The following SPRING1 variants were observed in gnomAD, a reference collection of about 807,000 sequenced individuals.
SPRING1 encodes the protein SREBF pathway regulator in golgi 1.
A neutral mutation model predicts 24.7 loss-of-function variants in SPRING1; 14 were observed. The observed-to-expected ratio is 0.57, with a 90% CI of 0.37 to 0.88. The LOEUF is 0.88. Among genes scored for constraint, SPRING1 ranks in the 40% least tolerant of loss-of-function variants. The pLI is 0.00. For synonymous variants in SPRING1, 93 were observed against 106.1 expected (o/e 0.88, Z 0.76); for missense variants, 255 against 268.4 (o/e 0.95, Z 0.35).
chr12:116,719,514 T>C (rs943738812), intron 4 of SPRING1, among the ~76,000 whole-genome samples: 6 of 152,192 alleles, frequency 3.9e-5, no homozygotes, highest in African/African-American at 1.4e-4. Flanking sequence ...AAGGAACAAA[T>C]GTACCAACCA....
At chr12:116,732,600 A>G (rs544364471) in intron 1 of SPRING1, among the ~76,000 whole-genome samples, 3 of 152,348 alleles carry the variant, frequency 2.0e-5, no homozygotes, top group Admixed American at 6.5e-5. Context: ...CCAGCTACTC[A>G]GGAGGCTGAA....
chr12:116,718,829 T>C (rs1372726135), intron 4 of SPRING1, among the ~76,000 whole-genome samples: 1 of 152,216 alleles, frequency 6.6e-6, no homozygotes, highest in Non-Finnish European at 1.5e-5. Flanking sequence ...AGTGGAAAGC[T>C]CTTCAAGCAA....
chr12:116,729,264 T>C (rs1468341400), intron 1 of SPRING1, among the ~76,000 whole-genome samples: 2 of 152,220 alleles, frequency 1.3e-5, no homozygotes, highest in East Asian at 1.9e-4. Context: ...AAATGTGTAA[T>C]TGGAAAAGGG....
chr12:116,737,694 A>G (rs1871335163), intron 1 of SPRING1, 96 bp downstream of exon 1: 3 of 1,314,256 alleles, frequency 2.3e-6, no homozygotes, highest in East Asian at 3.2e-5. Context: ...GGAAGGAAAA[A>G]AGGAGGAAGG....
At position 116,718,500 on chromosome 12, in the gene SPRING1, T is replaced by C. The variant is rs532852312; in HGVS notation, c.535-607A>G. Among the ~76,000 whole-genome samples the C allele has an allele frequency of 4.0e-4, 61 of 152,376 alleles. 1 individual carries two copies. Among genetic ancestry groups the C allele is most frequent in the African/African-American group, 1.4e-3 (58 of 41,596 alleles). ...GGTTTTTGGCTAGTCTAGAATTCAT[T>C]AATTAGTCCAAGACCAATGCTAAGC... is the stretch of plus-strand genomic sequence containing the variant. On this transcript the variant is annotated intron_variant, in intron 4 of 4. Coordinates refer to ENST00000261318, the MANE Select transcript of SPRING1 (RefSeq NM_024738.4).
At chr12:116,724,047 G>A (rs559507455) in intron 1 of SPRING1, among the ~76,000 whole-genome samples, 16 of 152,150 alleles carry the variant, frequency 1.1e-4, no homozygotes, top group South Asian at 2.1e-4. Context: ...AAAACAAGCC[G>A]AGCTTGAGAC....
chr12:116,730,051 C>T (rs1215681534), intron 1 of SPRING1, among the ~76,000 whole-genome samples: 4 of 152,154 alleles, frequency 2.6e-5, no homozygotes, highest in Non-Finnish European at 5.9e-5. Context: ...CAGGCACCCA[C>T]CACCACGCCC....
intron 1 of SPRING1, among the ~76,000 whole-genome samples, chr12:116,737,530 AG>A (rs1194752461): frequency 3.1e-5 from 1 of 32,104 alleles, no homozygotes; most frequent in Non-Finnish European, 6.7e-5. Flanking sequence ...GGAAGGAAGG[AG>A]GAGGAAGGTG....
At chr12:116,736,174 T>A (rs1871211922) in intron 1 of SPRING1, among the ~76,000 whole-genome samples, 1 of 148,718 alleles carries the variant, frequency 6.7e-6, no homozygotes, top group Non-Finnish European at 1.5e-5. Context: ...TCTGGACAGA[T>A]CTAGGCTGTT....
At position 116,733,419 on chromosome 12, in the gene SPRING1, T is replaced by C. The variant is rs979288895; in HGVS notation, c.111+4371A>G. Among the ~76,000 whole-genome samples, 9 of 145,898 alleles carry C rather than the reference T, an allele frequency of 6.2e-5. 2 individuals are homozygous for C. The highest frequency in any genetic ancestry group is 1.3e-4 in the African/African-American group (5 of 37,340). ...GGATGATCTCAATCTCCTGACCTCA[T>C]GATCTGCCCACCTCGGCCCTCCCAA... On this transcript the variant is annotated intron_variant, in intron 1 of 4. Transcript: ENST00000261318.
chr12:116,724,472 T>C (rs1367451508), intron 1 of SPRING1, among the ~76,000 whole-genome samples: 1 of 152,194 alleles, frequency 6.6e-6, no homozygotes, highest in East Asian at 1.9e-4. Context: ...TCCCAGCACT[T>C]TGGGGAGGCC....
Position 116,717,756 on chromosome 12 carries a change from C to T in SPRING1, c.*54G>A, listed in dbSNP as rs1405986421. 16 of 1,461,510 alleles carry T rather than the reference C, an allele frequency of 1.1e-5. No homozygotes were observed. The East Asian group carries it at 1.7e-4, about 16-fold the overall frequency. 90.5% of individuals were successfully genotyped at this position (1,461,510 alleles called of 1,614,324 possible). A position where few individuals can be genotyped will look rare whatever the true frequency, so the allele number is the denominator to read the frequency against. ...ATGGCTGAAGCTGGGTCCCAGGAGG[C>T]GAGTTCTTCAGCGGGGCCTCCTCAC... On this transcript the variant is annotated 3_prime_UTR_variant, in exon 5 of 5. Coordinates refer to ENST00000261318, the MANE Select transcript of SPRING1 (RefSeq NM_024738.4). The surrounding 1 kb of genome is among the most constrained non-coding windows in gnomAD (Gnocchi z 4.2).
Position 116,717,565 on chromosome 12 carries a change from T to C in SPRING1, c.*245A>G. On this transcript the variant is annotated 3_prime_UTR_variant, in exon 5 of 5. Coordinates refer to ENST00000261318, the MANE Select transcript of SPRING1 (RefSeq NM_024738.4). This position sits in a 1 kb window ranked among gnomAD's most constrained non-coding sequence, Gnocchi z 4.2. ...CCACCACCGTGAGCCCGGCCTCCGGTTTCATCTTTCCCGAATGGGACTGGC... is the reference window on the plus strand; with the variant it reads ...CCACCACCGTGAGCCCGGCCTCCGGCTTCATCTTTCCCGAATGGGACTGGC... The C allele has an allele frequency of 2.6e-6, 1 of 384,232 alleles. No homozygotes were observed. Among genetic ancestry groups the C allele is most frequent in the Non-Finnish European group, 4.7e-6 (1 of 212,514 alleles). 23.8% of individuals were successfully genotyped at this position (384,232 alleles called of 1,614,324 possible). A position where few individuals can be genotyped will look rare whatever the true frequency, so the allele number is the denominator to read the frequency against.
In SPRING1 at chr12:116,738,023, C is replaced by CGCAGCCCAGTCTGCTCCCG; in HGVS notation, c.-142_-124dup. 1 of 1,107,304 alleles carries CGCAGCCCAGTCTGCTCCCG rather than the reference C, an allele frequency of 9.0e-7. No homozygotes were observed. The highest frequency in any genetic ancestry group is 1.1e-6 in the Non-Finnish European group (1 of 907,626). The allele number at this position is 1,107,304 out of a possible 1,614,324, so 68.6% of individuals were successfully genotyped here. ...CCAGGCAGGCGCCGGCCCCGCCGCC[C>CGCAGCCCAGTCTGCTCCCG]GCAGCCCAGTCTGCTCCCGGCAGCC... is the stretch of plus-strand genomic sequence containing the variant. On this transcript the variant is annotated 5_prime_UTR_variant, in exon 1 of 5. Transcript: ENST00000261318.
At position 116,716,246 on chromosome 12, in the gene SPRING1, T is replaced by C. The variant is rs1870124096; in HGVS notation, c.*1564A>G. Reference sequence around the variant, plus strand: ...GGAAAACTTATTTAAGGGAGGCAAATAATTTGGGGAGATGAGTATAAGAGG... The same window carrying C: ...GGAAAACTTATTTAAGGGAGGCAAACAATTTGGGGAGATGAGTATAAGAGG... On this transcript the variant is annotated 3_prime_UTR_variant, in exon 5 of 5. Coordinates refer to ENST00000261318, the MANE Select transcript of SPRING1 (RefSeq NM_024738.4). 2 of 152,110 alleles carry C rather than the reference T, an allele frequency of 1.3e-5. No individual in the cohort carries two copies. Among genetic ancestry groups the C allele is most frequent in the Non-Finnish European group, 2.9e-5 (2 of 68,024 alleles). 9.4% of individuals were successfully genotyped at this position (152,110 alleles called of 1,614,324 possible).
At chr12:116,732,230 G>C (rs1317271265) in intron 1 of SPRING1, among the ~76,000 whole-genome samples, 1 of 152,214 alleles carries the variant, frequency 6.6e-6, no homozygotes, top group Non-Finnish European at 1.5e-5. Context: ...GGTATTTCAA[G>C]AGAAGCCAGA....
At chr12:116,735,457 C>T (rs907680048) in intron 1 of SPRING1, among the ~76,000 whole-genome samples, 1 of 152,164 alleles carries the variant, frequency 6.6e-6, no homozygotes, top group African/African-American at 2.4e-5. Flanking sequence ...TGGGGCCGGG[C>T]GTGGTGGCTG....
intron 1 of SPRING1, among the ~76,000 whole-genome samples, chr12:116,733,190 G>GT (rs965614007): frequency 3.2e-4 from 48 of 152,018 alleles, no homozygotes; most frequent in African/African-American, 1.0e-3. Context: ...GCTCGTCTTA[G>GT]TTTTTTTCTT....
chr12:116,730,707 T>C (rs888024158), intron 1 of SPRING1, among the ~76,000 whole-genome samples: 9 of 139,824 alleles, frequency 6.4e-5, no homozygotes, highest in African/African-American at 2.2e-4. Context: ...GATCTTCTAA[T>C]TGACACATTT....
Sources: allele counts gnomAD v4.1 joint callset (sites outside exome capture counted in the v4.1 genomes callset), GRCh38; gene constraint gnomAD v4.1.1; non-coding constraint Gnocchi (gnomAD v3.1); transcripts MANE v1.5; gene names NCBI Gene and HGNC (gene_info 2026-07-23, HGNC 2026-07-21).